The following CLIC5 variants were observed in gnomAD, a reference collection of about 807,000 sequenced individuals.
CLIC5 encodes chloride intracellular channel protein 5.
In CLIC5, 20 loss-of-function variants were observed where a neutral mutation model predicts 24.7. The ratio of observed to expected loss-of-function variants is 0.81; its 90% confidence interval spans 0.57 to 1.18. The LOEUF (loss-of-function observed/expected upper bound fraction) is 1.18, where lower values mean the gene tolerates loss of function less well. Ranked by LOEUF, CLIC5 falls within the 50% of genes most tolerant of loss-of-function variation. The pLI is 0.00. For missense variants in CLIC5, 341 were observed against 326.1 expected (o/e 1.05, Z -0.35); for synonymous variants, 159 against 135.6 (o/e 1.17, Z -1.20).
chr6:45,946,516 G>A (rs1210729317), intron 3 of CLIC5, among the ~76,000 whole-genome samples: 1 of 152,190 alleles, frequency 6.6e-6, no homozygotes, highest in Non-Finnish European at 1.5e-5. Flanking sequence ...TACAAATAGT[G>A]GTATGATGAG....
chr6:46,069,244 G>A (rs754877491), intron 1 of CLIC5, among the ~76,000 whole-genome samples: 2 of 152,034 alleles, frequency 1.3e-5, no homozygotes, highest in Non-Finnish European at 2.9e-5. Flanking sequence ...CTCCATCCTG[G>A]CCTTTTTCCT....
intron 1 of CLIC5, among the ~76,000 whole-genome samples, chr6:46,027,938 T>C (rs955110740): frequency 2.6e-5 from 4 of 152,234 alleles, no homozygotes; most frequent in African/African-American, 9.6e-5. Flanking sequence ...TTTACCTTGC[T>C]CTTTTGTCAC....
intron 1 of CLIC5, among the ~76,000 whole-genome samples, chr6:46,053,376 T>C (rs1327873134): frequency 6.6e-6 from 1 of 152,120 alleles, no homozygotes; most frequent in Non-Finnish European, 1.5e-5. Context: ...CTATATTAGA[T>C]GGTGAGGAGG....
chr6:46,107,832 T>C, the CLIC5 span, among the ~76,000 whole-genome samples: 1 of 152,074 alleles, frequency 6.6e-6, no homozygotes, highest in Admixed American at 6.6e-5. Context: ...GGTTGGGAGT[T>C]CAAGACCTGT....
chr6:46,112,077 A>C, the CLIC5 span, among the ~76,000 whole-genome samples: 1 of 152,188 alleles, frequency 6.6e-6, no homozygotes, highest in Non-Finnish European at 1.5e-5. Flanking sequence ...ATACATAAGG[A>C]CTGAAGGAAA....
the CLIC5 span, among the ~76,000 whole-genome samples, chr6:46,119,354 C>A: frequency 6.6e-6 from 1 of 152,240 alleles, no homozygotes; most frequent in African/African-American, 2.4e-5. Context: ...AATTACCTCA[C>A]TTGATAGTAT....
exon 1 of CLIC5, chr6:46,079,891 G>T: frequency 6.4e-7 from 1 of 1,552,020 alleles, no homozygotes; most frequent in East Asian, 2.4e-5. Flanking sequence ...GCGCAGAGTT[G>T]CTGGTCCTGG....
intron 1 of CLIC5, among the ~76,000 whole-genome samples, chr6:45,999,986 A>G (rs1375210645): frequency 3.9e-3 from 101 of 26,172 alleles, no homozygotes; most frequent in East Asian, 7.6e-3. Context: ...TCCTGACCTC[A>G]TGATCCACCC....
chr6:46,006,741 ACT>A (rs1766599925), intron 1 of CLIC5, among the ~76,000 whole-genome samples: 1 of 149,162 alleles, frequency 6.7e-6, no homozygotes, highest in Non-Finnish European at 1.5e-5. Context: ...AGTGGTGCAA[ACT>A]CAGCCCTCTG....
At chr6:45,930,548 C>CT (rs937028923) in intron 4 of CLIC5, among the ~76,000 whole-genome samples, 6 of 152,144 alleles carry the variant, frequency 3.9e-5, no homozygotes, top group African/African-American at 1.4e-4. Context: ...TAGGAAGACC[C>CT]TTTCGAATCC....
the CLIC5 span, among the ~76,000 whole-genome samples, chr6:46,113,804 C>A: frequency 6.6e-6 from 1 of 152,154 alleles, no homozygotes; most frequent in Non-Finnish European, 1.5e-5. Flanking sequence ...ATCTGACCAA[C>A]GTCCTTATCA....
At chr6:46,016,773 C>G (rs1021333968), upstream of CLIC5, among the ~76,000 whole-genome samples, 1 of 152,218 alleles carries the variant, frequency 6.6e-6, no homozygotes, top group African/African-American at 2.4e-5. Flanking sequence ...CCCGTCTCCA[C>G]TGTCCCAGGG....
chr6:46,082,858 T>C (rs1762952925), upstream of CLIC5, among the ~76,000 whole-genome samples: 1 of 152,200 alleles, frequency 6.6e-6, no homozygotes, highest in East Asian at 1.9e-4. Context: ...ACATAACTTA[T>C]TTTTTATGTC....
the CLIC5 span, among the ~76,000 whole-genome samples, chr6:46,086,961 C>T: frequency 1.3e-5 from 2 of 152,148 alleles, no homozygotes; most frequent in African/African-American, 2.4e-5. Context: ...CATTGAGTGG[C>T]CTTGGTTTTC....
chr6:45,893,058 T>C (rs1762366568), intron 6 of CLIC5, among the ~76,000 whole-genome samples: 1 of 152,248 alleles, frequency 6.6e-6, no homozygotes, highest in Admixed American at 6.5e-5. Flanking sequence ...CGATAGCTTT[T>C]GGGCTCCATG....
chr6:46,049,534 A>G (rs1002494759), intron 1 of CLIC5, among the ~76,000 whole-genome samples: 5 of 152,190 alleles, frequency 3.3e-5, no homozygotes, highest in African/African-American at 9.7e-5. Context: ...TATTAAGCAG[A>G]GTATCACATA....
intron 1 of CLIC5, among the ~76,000 whole-genome samples, chr6:46,000,710 A>C (rs899594049): frequency 2.6e-5 from 4 of 152,188 alleles, no homozygotes; most frequent in African/African-American, 9.7e-5. Context: ...AATGCCAGAC[A>C]CTTATGAAAC....
Position 45,979,951 on chromosome 6 carries a change from C to CTTTTTTTTTT in CLIC5, c.64-24717_64-24708dup. On this transcript the variant is annotated intron_variant, in intron 1 of 5. Coordinates refer to ENST00000339561, the MANE Select transcript of CLIC5 (RefSeq NM_016929.5). ...GCAATTGCTTTTGGAGACTTAGTCA[C>CTTTTTTTTTT]TTTTTTTTTTTTTTTTTTTGCCAAG... is the stretch of plus-strand genomic sequence containing the variant. 1.1e-3 allele frequency among the ~76,000 whole-genome samples: 107 copies of CTTTTTTTTTT among 95,036 alleles called. 2 individuals are homozygous for CTTTTTTTTTT. The highest frequency in any genetic ancestry group is 0.011 in the Middle Eastern group (1 of 88). The allele number at this position is 95,036 out of a possible 152,430, so 62.3% of individuals were successfully genotyped here. A position where few individuals can be genotyped will look rare whatever the true frequency, so the allele number is the denominator to read the frequency against.
chr6:45,911,906 A>C (rs763583419), intron 5 of CLIC5: 4 of 985,404 alleles, frequency 4.1e-6, no homozygotes, highest in Non-Finnish European at 3.6e-6. Flanking sequence ...GAGAACTAGG[A>C]GGGGGCCAGA....
Sources: gnomAD v4.1 joint callset for allele counts (sites outside exome capture counted in the v4.1 genomes callset) on GRCh38, gnomAD v4.1.1 for gene constraint, MANE v1.5 for transcripts, NCBI Gene and HGNC (gene_info 2026-07-23, HGNC 2026-07-21) for gene names.